The following NUSAP1 variants were observed in gnomAD, a reference collection of about 807,000 sequenced individuals.
NUSAP1 encodes nucleolar and spindle-associated protein 1.
A neutral mutation model predicts 52.8 loss-of-function variants in NUSAP1; 32 were observed. That is an observed-to-expected ratio of 0.61 (90% CI 0.46 to 0.81). The LOEUF is 0.81. NUSAP1 is among the 40% of genes least tolerant of loss of function. The pLI is 0.00. For missense variants in NUSAP1, 499 were observed against 522.3 expected (o/e 0.96, Z 0.43); for synonymous variants, 195 against 183.1 (o/e 1.06, Z -0.52).
At chr15:41,368,146 A>G (rs1008424602) in intron 7 of NUSAP1, among the ~76,000 whole-genome samples, 1 of 152,168 alleles carries the variant, frequency 6.6e-6, no homozygotes, top group Non-Finnish European at 1.5e-5. Context: ...CTAGTCAGCC[A>G]TCTTGCTGAC....
At chr15:41,372,798 A>G (rs749109362) in intron 8 of NUSAP1, among the ~76,000 whole-genome samples, 1 of 152,098 alleles carries the variant, frequency 6.6e-6, no homozygotes, top group African/African-American at 2.4e-5. Flanking sequence ...CTATGAAAAG[A>G]AAGGATTGGC....
chr15:41,337,103 A>G (rs935734354), intron 1 of NUSAP1, among the ~76,000 whole-genome samples: 3 of 143,172 alleles, frequency 2.1e-5, no homozygotes, highest in Non-Finnish European at 4.5e-5. Flanking sequence ...TGCAGCCTCA[A>G]CCTCCCGGGC....
At chr15:41,337,931 C>CTTTTTTTTTTTTTTTTTTTTTTTTT (rs757341496) in intron 1 of NUSAP1, among the ~76,000 whole-genome samples, 5 of 110,934 alleles carry the variant, frequency 4.5e-5, no homozygotes, top group Middle Eastern at 4.7e-3. Context: ...TTTCTTTTTT[C>CTTTTTTTTTTTTTTTTTTTTTTTTT]TTTTTTTTTT....
At position 41,356,092 on chromosome 15, in the gene NUSAP1, G is replaced by T. The variant is rs2048960172; in HGVS notation, c.502G>T (p.Glu168Ter). The T allele has an allele frequency of 6.2e-7, 1 of 1,609,218 alleles. No homozygotes were observed. Among genetic ancestry groups the T allele is most frequent in the Admixed American group, 1.7e-5 (1 of 59,566 alleles). Reference protein sequence around the residue: ...SEGKKSLYTDESSKPGKNKRT... With the variant: ...SEGKKSLYTD Reference sequence around the variant, plus strand: ...AGGAAAGAAATCTCTCTACACAGATGAGTCATCCAAACCTGGAAAAAATAA... The same window carrying T: ...AGGAAAGAAATCTCTCTACACAGATTAGTCATCCAAACCTGGAAAAAATAA... The change falls in exon 5 of 11, where the codon GAG (glutamate) becomes TAG (stop). Residue 168 changes from glutamate to a stop codon, truncating the protein, a stop_gained. Coordinates refer to ENST00000559596, the MANE Select transcript of NUSAP1 (RefSeq NM_016359.5). LOFTEE classifies it high-confidence loss of function.
Position 41,371,521 on chromosome 15 carries a change from A to C in NUSAP1, c.849-6A>C. 6.3e-7 allele frequency: 1 copy of C among 1,591,940 alleles called. No homozygotes were observed. The highest frequency in any genetic ancestry group is 8.5e-7 in the Non-Finnish European group (1 of 1,173,174). On this transcript the variant is annotated splice_region_variant and splice_polypyrimidine_tract_variant and intron_variant, in intron 7 of 10. Coordinates refer to ENST00000559596, the MANE Select transcript of NUSAP1 (RefSeq NM_016359.5). ...CTCATGTCTTGTACTCTGCTGTCCT[A>C]TTTAGGTTTTCAGCTGCTACTAAAG...
Position 41,380,567 on chromosome 15 carries a change from G to A in NUSAP1, c.*381G>A. The stretch of plus-strand genomic sequence containing the variant: ...ATGGCAGCTAGTTATGCAAGCTTCA[G>A]GAGAATTTGAACAATAACAAGAATA... On this transcript the variant is annotated 3_prime_UTR_variant, in exon 11 of 11. Coordinates refer to ENST00000559596, the MANE Select transcript of NUSAP1 (RefSeq NM_016359.5). 1.2e-5 allele frequency: 2 copies of A among 169,952 alleles called. 1 individual carries two copies. The highest frequency in any genetic ancestry group is 2.8e-4 in the South Asian group (2 of 7,044). The allele number at this position is 169,952 out of a possible 1,614,324, so 10.5% of individuals were successfully genotyped here. A position where few individuals can be genotyped will look rare whatever the true frequency, so the allele number is the denominator to read the frequency against.
chr15:41,356,032 G>C lies in NUSAP1; in HGVS notation c.449-7G>C. ...ATCCTTCATTATTTCTGTGTCTTTG[G>C]ATTTAGGTAACAGAGATTCAAAGGT... On this transcript the variant is annotated splice_region_variant and splice_polypyrimidine_tract_variant and intron_variant, in intron 4 of 10. Coordinates refer to ENST00000559596, the MANE Select transcript of NUSAP1 (RefSeq NM_016359.5). 6.5e-7 allele frequency: 1 copy of C among 1,548,116 alleles called. No individual in the cohort carries two copies. Among genetic ancestry groups the C allele is most frequent in the East Asian group, 2.2e-5 (1 of 44,492 alleles).
intron 1 of NUSAP1, among the ~76,000 whole-genome samples, chr15:41,340,942 G>C (rs950627867): frequency 3.3e-5 from 5 of 152,198 alleles, no homozygotes; most frequent in Non-Finnish European, 7.3e-5. Context: ...CATGGCCCAT[G>C]ATAAAAGGCA....
At chr15:41,351,650 G>A (rs1350125602) in intron 4 of NUSAP1, among the ~76,000 whole-genome samples, 3 of 152,132 alleles carry the variant, frequency 2.0e-5, no homozygotes, top group Admixed American at 2.0e-4. Flanking sequence ...AGCCAGCCAT[G>A]ATGGTGCACA....
chr15:41,334,262 G>GTGCC (rs2048035212), intron 1 of NUSAP1, among the ~76,000 whole-genome samples: 1 of 152,156 alleles, frequency 6.6e-6, no homozygotes, highest in Non-Finnish European at 1.5e-5. Context: ...GGGATTACAG[G>GTGCC]CGCGTGTCAC....
intron 7 of NUSAP1, among the ~76,000 whole-genome samples, chr15:41,370,542 G>A (rs988984582): frequency 6.6e-6 from 1 of 152,022 alleles, no homozygotes; most frequent in Non-Finnish European, 1.5e-5. Flanking sequence ...CCTGAGATCA[G>A]GAGTTTGAGA....
In NUSAP1 at chr15:41,365,572, A is replaced by G. The variant is rs766364859; in HGVS notation, c.831A>G (p.Ala277=). Residue 277 remains alanine, a synonymous_variant, in exon 7 of 11, where the codon GCA becomes GCG. Coordinates refer to ENST00000559596, the MANE Select transcript of NUSAP1 (RefSeq NM_016359.5). ...CACTCAAGCGCTCTGCTATCTCTGC[A>G]GCTAAAACGGGTGTCAGGTAAAGAA... The part of the protein sequence containing the change: ...KGSLKRSAIS[A]AKTGVRFSAA... 136 of 1,598,340 alleles carry G rather than the reference A, an allele frequency of 8.5e-5. No homozygotes were observed. The highest frequency in any genetic ancestry group is 1.0e-4 in the Non-Finnish European group (121 of 1,168,830).
chr15:41,371,500 T>C (rs2049686094), intron 7 of NUSAP1, 27 bp from the exon 8 acceptor site: 1 of 1,556,058 alleles, frequency 6.4e-7, no homozygotes, highest in African/African-American at 1.4e-5. Flanking sequence ...ACAGTACTCA[T>C]GTCTTGTACT....
intron 10 of NUSAP1, among the ~76,000 whole-genome samples, chr15:41,377,819 T>TGG (rs1567080605): frequency 5.1e-5 from 7 of 137,840 alleles, no homozygotes; most frequent in South Asian, 4.7e-4. Flanking sequence ...GGCTAACGCA[T>TGG]TGAAACCCCA....
chr15:41,356,668 A>C (rs1238492887), intron 5 of NUSAP1, among the ~76,000 whole-genome samples: 1 of 152,124 alleles, frequency 6.6e-6, no homozygotes, highest in Non-Finnish European at 1.5e-5. Context: ...TACCTATTTC[A>C]TCAGGTTGAT....
chr15:41,355,939 A>T (rs891045926), intron 4 of NUSAP1, 100 bp from the exon 5 acceptor site: 2 of 676,026 alleles, frequency 3.0e-6, no homozygotes, highest in African/African-American at 3.6e-5. Flanking sequence ...CGGCCTCCCA[A>T]AGTGCTGGGA....
At position 41,380,840 on chromosome 15, in the gene NUSAP1, G is replaced by A. The variant is rs1361315858; in HGVS notation, c.*654G>A. 3.9e-5 allele frequency: 6 copies of A among 152,110 alleles called. No homozygotes were observed. Among genetic ancestry groups the A allele is most frequent in the Non-Finnish European group, 5.9e-5 (4 of 68,046 alleles). 9.4% of individuals were successfully genotyped at this position (152,110 alleles called of 1,614,324 possible). A position where few individuals can be genotyped will look rare whatever the true frequency, so the allele number is the denominator to read the frequency against. On this transcript the variant is annotated 3_prime_UTR_variant, in exon 11 of 11. Transcript: ENST00000559596. ...AAGCTACATAGCCCTATCGAAATGC[G>A]AGGATTAATGCTTTAATGCTTTTAG...
intron 1 of NUSAP1, among the ~76,000 whole-genome samples, chr15:41,341,101 C>T (rs750580081): frequency 2.0e-4 from 31 of 152,156 alleles, no homozygotes; most frequent in Non-Finnish European, 3.5e-4. Context: ...CTTGCTCTAT[C>T]GCCCAGACTA....
intron 2 of NUSAP1, chr15:41,343,190 T>C (rs2048426907): frequency 6.6e-6 from 1 of 152,212 alleles, no homozygotes; most frequent in African/African-American, 2.4e-5. Context: ...GTTGTGAGCA[T>C]CACATGAAGT....
Sources: allele counts gnomAD v4.1 joint callset (sites outside exome capture counted in the v4.1 genomes callset), GRCh38; gene constraint gnomAD v4.1.1; transcripts MANE v1.5; gene names NCBI Gene and HGNC (gene_info 2026-07-23, HGNC 2026-07-21).